ENTPD1: variants seen among roughly 807,000 people sequenced by gnomAD.
ENTPD1 encodes the protein ATP diphosphohydrolase.
In ENTPD1, 33 loss-of-function variants were observed where a neutral mutation model predicts 57.0. The observed-to-expected ratio is 0.58, with a 90% CI of 0.44 to 0.77. ENTPD1 has a LOEUF of 0.77. Among genes scored for constraint, ENTPD1 ranks in the 30% least tolerant of loss-of-function variants. ENTPD1 has a pLI of 0.00. For synonymous variants in ENTPD1, 202 were observed against 218.8 expected, an observed-to-expected ratio of 0.92 and a Z score of 0.68; for missense variants, 501 against 603.4, an observed-to-expected ratio of 0.83 and a Z score of 1.78.
intron 1 of ENTPD1, among the ~76,000 whole-genome samples, chr10:95,808,576 G>T (rs577907974): frequency 2.0e-5 from 3 of 152,182 alleles, no homozygotes; most frequent in Non-Finnish European, 4.4e-5. Context: ...AAGTGGGGGA[G>T]TTAGTTTGAT....
intron 1 of ENTPD1, among the ~76,000 whole-genome samples, chr10:95,746,717 C>T (rs1048010914): frequency 6.6e-6 from 1 of 152,174 alleles, no homozygotes; most frequent in Non-Finnish European, 1.5e-5. Context: ...TTTCTCTGCT[C>T]CTCCTACCCT....
Position 95,847,555 on chromosome 10 carries a change from C to G in ENTPD1, c.923C>G (p.Thr308Ser). Residue 308 changes from threonine (T) to serine (S), a missense_variant, in exon 7 of 10, where the codon ACT (threonine) becomes AGT (serine). Physicochemically the swap from Thr to Ser is moderately conservative, Grantham distance 58. Coordinates refer to ENST00000371205, the MANE Select transcript of ENTPD1 (RefSeq NM_001776.6). ...KTPCTKRFEM[T>S]LPFQQFEIQG... ...CCCTGCACCAAGAGATTTGAGATGA[C>G]TCTTCCATTCCAGCAGTTTGAAATC... The G allele has an allele frequency of 6.2e-7, 1 of 1,614,178 alleles. No individual in the cohort carries two copies. Among genetic ancestry groups the G allele is most frequent in the Non-Finnish European group, 8.5e-7 (1 of 1,180,022 alleles).
At chr10:95,706,962 G>A (rs1198040981), upstream of ENTPD1, among the ~76,000 whole-genome samples, 2 of 152,228 alleles carry the variant, frequency 1.3e-5, no homozygotes, top group African/African-American at 4.8e-5. Context: ...AGGTCAGGCA[G>A]TGGGAGCAGA....
At chr10:95,731,940 G>A (rs1026199905) in intron 1 of ENTPD1, among the ~76,000 whole-genome samples, 4 of 151,308 alleles carry the variant, frequency 2.6e-5, no homozygotes, top group Non-Finnish European at 4.4e-5. Context: ...CTGCTACCAC[G>A]CCCGGCTAAT....
chr10:95,825,200 G>A (rs1261857659), intron 2 of ENTPD1, among the ~76,000 whole-genome samples: 1 of 152,144 alleles, frequency 6.6e-6, no homozygotes, highest in Non-Finnish European at 1.5e-5. Context: ...CATGGCTGGT[G>A]GCTACTGTAT....
At chr10:95,736,075 A>C (rs1482563521) in intron 1 of ENTPD1, among the ~76,000 whole-genome samples, 1 of 144,518 alleles carries the variant, frequency 6.9e-6, no homozygotes, top group African/African-American at 2.6e-5. Context: ...ACCTCAGCTC[A>C]CTGCAACATC....
chr10:95,845,678 C>A (rs754121500), intron 6 of ENTPD1, 82 bp downstream of exon 6: 5 of 1,612,474 alleles, frequency 3.1e-6, no homozygotes, highest in Non-Finnish European at 4.2e-6. Flanking sequence ...GTTTCAAATT[C>A]AGTAGTTTGT....
chr10:95,714,062 G>A (rs2139811432), intron 1 of ENTPD1, among the ~76,000 whole-genome samples: 1 of 152,308 alleles, frequency 6.6e-6, no homozygotes, highest in African/African-American at 2.4e-5. Flanking sequence ...TGTAATCCCA[G>A]CACTTTGGGA....
intron 1 of ENTPD1, among the ~76,000 whole-genome samples, chr10:95,781,875 G>T (rs1012447320): frequency 6.6e-6 from 1 of 152,194 alleles, no homozygotes; most frequent in African/African-American, 2.4e-5. Flanking sequence ...AAGCAAAAAT[G>T]TCCATAATAT....
At chr10:95,801,005 T>A (rs1052447273) in intron 1 of ENTPD1, among the ~76,000 whole-genome samples, 1 of 152,158 alleles carries the variant, frequency 6.6e-6, no homozygotes, top group African/African-American at 2.4e-5. Context: ...GTGGTAAATG[T>A]CCATGAAATC....
chr10:95,847,411 C>A, intron 6 of ENTPD1, 35 bp from the exon 7 acceptor site: 1 of 1,612,938 alleles, frequency 6.2e-7, no homozygotes, highest in South Asian at 1.1e-5. Context: ...CCAAAGCGTT[C>A]ACACATGATG....
intron 6 of ENTPD1, 142 bp downstream of exon 6, chr10:95,845,738 C>A (rs1425051542): frequency 9.8e-6 from 14 of 1,421,434 alleles, no homozygotes; most frequent in Admixed American, 5.4e-5. Flanking sequence ...GGATATTGAA[C>A]TACATCTGGT....
chr10:95,820,701 C>G (rs767512548), intron 1 of ENTPD1, among the ~76,000 whole-genome samples: 2 of 152,188 alleles, frequency 1.3e-5, no homozygotes, highest in African/African-American at 2.4e-5. Context: ...TCCCTTCATT[C>G]CCAATTCTAC....
intron 9 of ENTPD1, among the ~76,000 whole-genome samples, chr10:95,865,149 TAACAG>T (rs2098471939): frequency 6.6e-6 from 1 of 152,210 alleles, no homozygotes; most frequent in Non-Finnish European, 1.5e-5. Flanking sequence ...TATATTAAAG[TAACAG>T]CATTTCAGCA....
At position 95,864,877 on chromosome 10, in the gene ENTPD1, G is replaced by T; in HGVS notation, c.1326+16G>T. The T allele has an allele frequency of 1.9e-6, 3 of 1,612,090 alleles. No individual in the cohort carries two copies. The highest frequency in any genetic ancestry group is 2.2e-5 in the East Asian group (1 of 44,868). On this transcript the variant is annotated intron_variant, in intron 9 of 9. Transcript: ENST00000371205. The stretch of plus-strand genomic sequence containing the variant: ...CATTGGCAAGGTAATTTGGGGGCCT[G>T]TTGGGCTGGGGGGAGGTTGGGGTTC...
chr10:95,844,701 G>C (rs2098430560), intron 5 of ENTPD1, 66 bp downstream of exon 5: 1 of 1,593,160 alleles, frequency 6.3e-7, no homozygotes, highest in Admixed American at 1.7e-5. Flanking sequence ...ATCTCAGGCA[G>C]TACTTGGGTC....
At chr10:95,758,773 A>G (rs775533990) in intron 1 of ENTPD1, among the ~76,000 whole-genome samples, 4 of 152,370 alleles carry the variant, frequency 2.6e-5, no homozygotes, top group Non-Finnish European at 4.4e-5. Context: ...GAGGATGACC[A>G]TATAGCAGTC....
intron 1 of ENTPD1, among the ~76,000 whole-genome samples, chr10:95,731,421 A>T (rs1316694724): frequency 1.3e-5 from 2 of 152,078 alleles, no homozygotes. Flanking sequence ...CCCCCTACCC[A>T]TGTACCCTCA....
At chr10:95,796,585 T>G (rs1034354622) in intron 1 of ENTPD1, among the ~76,000 whole-genome samples, 1 of 152,156 alleles carries the variant, frequency 6.6e-6, no homozygotes, top group African/African-American at 2.4e-5. Flanking sequence ...AGCATGGCCT[T>G]AAAATTGTTG....
Sources: gnomAD v4.1 joint callset for allele counts (sites outside exome capture counted in the v4.1 genomes callset) on GRCh38, gnomAD v4.1.1 for gene constraint, MANE v1.5 for transcripts, NCBI Gene and HGNC (gene_info 2026-07-23, HGNC 2026-07-21) for gene names.